The following VOPP1 variants were observed in gnomAD, a reference collection of about 807,000 sequenced individuals.
VOPP1 encodes the protein WW domain binding protein VOPP1.
A neutral mutation model predicts 23.5 loss-of-function variants in VOPP1; 8 were observed. That is an observed-to-expected ratio of 0.34 (90% CI 0.20 to 0.61). The LOEUF is 0.61. VOPP1 is among the 20% of genes least tolerant of loss of function. VOPP1 has a pLI of 0.78. For missense variants in VOPP1, 174 were observed against 238.1 expected (o/e 0.73, Z 1.77); for synonymous variants, 83 against 97.3 (o/e 0.85, Z 0.86).
At chr7:55,450,339 A>ACTT (rs1197499295) in intron 4 of VOPP1, among the ~76,000 whole-genome samples, 10 of 27,388 alleles carry the variant, frequency 3.7e-4, no homozygotes, top group African/African-American at 1.8e-3. Context: ...CAGCACTGGA[A>ACTT]CTTGTGTAAC....
chr7:55,548,923 T>C (rs1220103936), intron 1 of VOPP1, among the ~76,000 whole-genome samples: 2 of 152,244 alleles, frequency 1.3e-5, no homozygotes, highest in African/African-American at 4.8e-5. Context: ...TGGGGGGATG[T>C]TGTTTTATCA....
At chr7:55,553,921 T>G (rs796261824) in intron 1 of VOPP1, 15 of 152,340 alleles carry the variant, frequency 9.8e-5, no homozygotes, top group African/African-American at 3.4e-4. Flanking sequence ...ACTGCACAAC[T>G]CAGGGGACAA....
At chr7:55,497,266 T>C (rs1048532878) in intron 3 of VOPP1, among the ~76,000 whole-genome samples, 2 of 152,210 alleles carry the variant, frequency 1.3e-5, no homozygotes, top group Non-Finnish European at 2.9e-5. Context: ...CCTGCCAGTC[T>C]CAGTTGGGTG....
At chr7:55,462,485 A>G (rs940279871) in intron 4 of VOPP1, among the ~76,000 whole-genome samples, 1 of 151,950 alleles carries the variant, frequency 6.6e-6, no homozygotes, top group Non-Finnish European at 1.5e-5. Flanking sequence ...ATAACACCCA[A>G]TATTCAAATT....
At chr7:55,567,293 T>C (rs1798194519) in intron 1 of VOPP1, among the ~76,000 whole-genome samples, 1 of 152,240 alleles carries the variant, frequency 6.6e-6, no homozygotes. Flanking sequence ...ATTGCTTACA[T>C]GGTAGAAAGT....
At chr7:55,551,802 G>A (rs892301792) in intron 1 of VOPP1, among the ~76,000 whole-genome samples, 1 of 152,094 alleles carries the variant, frequency 6.6e-6, no homozygotes, top group African/African-American at 2.4e-5. Context: ...CACTTTGGGA[G>A]GCCCAGGAGC....
chr7:55,452,928 C>G (rs1297072345), intron 4 of VOPP1, among the ~76,000 whole-genome samples: 1 of 152,148 alleles, frequency 6.6e-6, no homozygotes, highest in East Asian at 1.9e-4. Context: ...CTATATTAGC[C>G]CCTAACTAGA....
At chr7:55,524,555 A>T (rs1488389543) in intron 1 of VOPP1, among the ~76,000 whole-genome samples, 1 of 152,358 alleles carries the variant, frequency 6.6e-6, no homozygotes, top group African/African-American at 2.4e-5. Flanking sequence ...GCATGGCATG[A>T]TTCCATTTGA....
At chr7:55,437,175 C>A (rs547320193) in intron 4 of VOPP1, among the ~76,000 whole-genome samples, 1 of 152,052 alleles carries the variant, frequency 6.6e-6, no homozygotes, top group South Asian at 2.1e-4. Flanking sequence ...TAGGTGTGAT[C>A]CCCAGGATAA....
chr7:55,446,241 C>T (rs924674283), intron 4 of VOPP1, among the ~76,000 whole-genome samples: 2 of 152,182 alleles, frequency 1.3e-5, no homozygotes, highest in African/African-American at 4.8e-5. Flanking sequence ...GATCTGCCCA[C>T]CTCGGCCTCC....
At chr7:55,476,815 C>T (rs1017691159) in intron 4 of VOPP1, among the ~76,000 whole-genome samples, 1 of 152,140 alleles carries the variant, frequency 6.6e-6, no homozygotes, top group African/African-American at 2.4e-5. Context: ...CAGGCTTGGC[C>T]CTACATTCCT....
At chr7:55,506,580 G>A (rs1030877203) in intron 2 of VOPP1, among the ~76,000 whole-genome samples, 9 of 151,978 alleles carry the variant, frequency 5.9e-5, no homozygotes, top group Middle Eastern at 3.4e-3. Context: ...CAGGTGATCC[G>A]CCTGTCTTGG....
At chr7:55,460,984 T>C (rs1354768393) in intron 4 of VOPP1, among the ~76,000 whole-genome samples, 4 of 152,000 alleles carry the variant, frequency 2.6e-5, no homozygotes, top group Non-Finnish European at 5.9e-5. Context: ...AGAAACTGTG[T>C]TTTATATATA....
At chr7:55,523,978 TAA>T (rs1340262882) in intron 1 of VOPP1, among the ~76,000 whole-genome samples, 1 of 152,228 alleles carries the variant, frequency 6.6e-6, no homozygotes, top group Non-Finnish European at 1.5e-5. Context: ...GAAAAGATTA[TAA>T]AAGACTATCA....
At chr7:55,479,583 C>T (rs1345701189) in intron 4 of VOPP1, among the ~76,000 whole-genome samples, 2 of 152,134 alleles carry the variant, frequency 1.3e-5, no homozygotes, top group African/African-American at 2.4e-5. Flanking sequence ...GTTTCTCCTT[C>T]CTGATGGTTG....
rs116778138 is a variant in VOPP1 at position 55,520,910 on chromosome 7, G to A, written c.113+162C>T. 2.0e-3 allele frequency among the ~76,000 whole-genome samples: 300 copies of A among 152,318 alleles called. 1 individual carries two copies. Among genetic ancestry groups the A allele is most frequent in the African/African-American group, 6.8e-3 (282 of 41,566 alleles). On this transcript the variant is annotated intron_variant, in intron 2 of 4. Coordinates refer to ENST00000285279, the MANE Select transcript of VOPP1 (RefSeq NM_030796.5). ...CTGGTCTGAGTGGGCCAGACACCAC[G>A]GTGAGGTCACCTGCTCATCCCCCAG...
At chr7:55,510,647 C>T (rs1286011050) in intron 2 of VOPP1, among the ~76,000 whole-genome samples, 1 of 149,826 alleles carries the variant, frequency 6.7e-6, no homozygotes, top group Non-Finnish European at 1.5e-5. Flanking sequence ...GTTATGGAGG[C>T]CTGTGTTGGT....
chr7:55,449,656 G>C (rs1290914608), intron 4 of VOPP1, among the ~76,000 whole-genome samples: 1 of 152,220 alleles, frequency 6.6e-6, no homozygotes, highest in East Asian at 1.9e-4. Context: ...CACCTGGAAG[G>C]AGCCAGCTGA....
chr7:55,486,708 A>G (rs903599155), intron 4 of VOPP1, among the ~76,000 whole-genome samples: 6 of 152,274 alleles, frequency 3.9e-5, no homozygotes, highest in African/African-American at 1.4e-4. Context: ...ATATTCTGGT[A>G]GCCATGAGAA....
Sources: allele counts gnomAD v4.1 joint callset (sites outside exome capture counted in the v4.1 genomes callset), GRCh38; gene constraint gnomAD v4.1.1; transcripts MANE v1.5; gene names NCBI Gene and HGNC (gene_info 2026-07-23, HGNC 2026-07-21).